MAX: variants seen among roughly 807,000 people sequenced by gnomAD.
MAX encodes MYC associated transcriptional regulator X.
Under a neutral mutation model 22.3 loss-of-function variants are expected in MAX, and 3 were observed. The observed-to-expected ratio is 0.13, with a 90% CI of 0.06 to 0.35. The LOEUF is 0.35. Among genes scored for constraint, MAX ranks in the 10% least tolerant of loss-of-function variants. MAX has a pLI of 1.00. For synonymous variants in MAX, 72 were observed against 77.7 expected, an observed-to-expected ratio of 0.93 and a Z score of 0.39; for missense variants, 119 against 209.4, an observed-to-expected ratio of 0.57 and a Z score of 2.66.
chr14:65,065,532 C>T (rs139978790), intron 3 of MAX, among the ~76,000 whole-genome samples: 1 of 152,248 alleles, frequency 6.6e-6, no homozygotes, highest in African/African-American at 2.4e-5. Context: ...TCCTAGGCTA[C>T]AAACCTGTGC....
chr14:65,015,583 G>A, intron 3 of MAX: 2 of 1,609,250 alleles, frequency 1.2e-6, no homozygotes, highest in Non-Finnish European at 1.7e-6. Context: ...GTCTTGGAGT[G>A]ATTGTGAATA....
intron 3 of MAX, among the ~76,000 whole-genome samples, chr14:65,051,602 CTCTG>C (rs1479574908): frequency 6.6e-6 from 1 of 150,876 alleles, no homozygotes; most frequent in Non-Finnish European, 1.5e-5. Context: ...CAGAGTGAGA[CTCTG>C]TCTCAAAAAA....
chr14:65,090,636 C>G (rs961263413), intron 3 of MAX: 9 of 152,130 alleles, frequency 5.9e-5, no homozygotes, highest in African/African-American at 1.7e-4. Flanking sequence ...TCCCAAGTAG[C>G]CAGGACTACA....
intron 3 of MAX, among the ~76,000 whole-genome samples, chr14:65,045,971 T>A (rs2062467746): frequency 6.6e-6 from 1 of 152,158 alleles, no homozygotes; most frequent in Non-Finnish European, 1.5e-5. Flanking sequence ...ATTCCCCAAG[T>A]CAAACATTTT....
chr14:65,012,195 C>T lies in MAX; in HGVS notation c.172-5911G>A. On this transcript the variant is annotated intron_variant, in intron 3 of 3. Coordinates refer to the MAX transcript ENST00000341653. The surrounding 1 kb of genome is among the most constrained non-coding windows in gnomAD (Gnocchi z 5.0). ...CCAGAGAAGTTGCTGGTTATCCAGT[C>T]AGTGATTGCAGGGGGACGTCCTGAA... 1 of 1,186,222 alleles carries T rather than the reference C, an allele frequency of 8.4e-7. No homozygotes were observed. The highest frequency in any genetic ancestry group is 1.2e-6 in the Non-Finnish European group (1 of 824,328). 73.5% of individuals were successfully genotyped at this position (1,186,222 alleles called of 1,614,324 possible). A position where few individuals can be genotyped will look rare whatever the true frequency, so the allele number is the denominator to read the frequency against.
In MAX at chr14:65,022,818, C is replaced by T. The variant is rs531389377; in HGVS notation, c.172-16534G>A. On this transcript the variant is annotated intron_variant, in intron 3 of 3. Coordinates refer to the MAX transcript ENST00000341653. ...GCATTTTTATTGTTGTTCTTCACAA[C>T]TCGTGGACCCTTATTACTGGTCTTT... is the stretch of plus-strand genomic sequence containing the variant. Among the ~76,000 whole-genome samples the T allele has an allele frequency of 1.7e-4, 26 of 152,254 alleles. 1 individual carries two copies. In the South Asian group the frequency reaches 5.4e-3, roughly 32 times the overall value.
At chr14:65,099,535 AAAACAAAC>A (rs958002278) in intron 2 of MAX, among the ~76,000 whole-genome samples, 10 of 150,474 alleles carry the variant, frequency 6.6e-5, no homozygotes, top group Non-Finnish European at 8.8e-5. Flanking sequence ...TTTCACCAAA[AAAACAAAC>A]AAACAAACAA....
intron 3 of MAX, chr14:65,083,814 C>A (rs759076908): frequency 1.8e-6 from 2 of 1,124,962 alleles, no homozygotes; most frequent in African/African-American, 3.2e-5. Context: ...TTTTCTGAAA[C>A]CTGTGTAAGC....
rs1183866852 is a variant in MAX, at chr14:65,032,012, G to GTGTGTGTGTGTA, written c.172-25729_172-25728insTACACACACACA. On this transcript the variant is annotated intron_variant, in intron 3 of 3. Coordinates refer to the MAX transcript ENST00000341653. This position sits in a 1 kb window ranked among gnomAD's most constrained non-coding sequence, Gnocchi z 5.0. ...TGTGTGTGTGTGTGTGTGTGTGTGT[G>GTGTGTGTGTGTA]TGTGTGTACTGGTGAGAGGTTTGAA... Among the ~76,000 whole-genome samples, 42 of 151,746 alleles carry GTGTGTGTGTGTA rather than the reference G, an allele frequency of 2.8e-4. No individual in the cohort carries two copies. Among genetic ancestry groups the GTGTGTGTGTGTA allele is most frequent in the Admixed American group, 2.2e-3 (33 of 15,234 alleles).
In MAX at chr14:65,093,522, TTTG is replaced by T; in HGVS notation, c.171+183_171+185del. On this transcript the variant is annotated intron_variant, in intron 3 of 4. Coordinates refer to ENST00000358664, the MANE Select transcript of MAX (RefSeq NM_002382.5). This position sits in a 1 kb window ranked among gnomAD's most constrained non-coding sequence, Gnocchi z 4.4. ...AATAGCTCCATTATATCTGACATAT[TTTG>T]TTAAGGATAAACTGGAGTACGTAAG... 1 of 617,158 alleles carries T rather than the reference TTTG, an allele frequency of 1.6e-6. No homozygotes were observed. Among genetic ancestry groups the T allele is most frequent in the Non-Finnish European group, 2.9e-6 (1 of 340,502 alleles). 38.2% of individuals were successfully genotyped at this position (617,158 alleles called of 1,614,324 possible).
At chr14:65,060,830 G>C (rs1174106927) in intron 3 of MAX, among the ~76,000 whole-genome samples, 1 of 134,316 alleles carries the variant, frequency 7.4e-6, no homozygotes, top group East Asian at 2.2e-4. Flanking sequence ...CTAAGATCGT[G>C]TCAATGCACT....
chr14:65,055,509 TTTTTTAA>T (rs1324566630), intron 3 of MAX, among the ~76,000 whole-genome samples: 3 of 152,188 alleles, frequency 2.0e-5, no homozygotes, highest in Non-Finnish European at 4.4e-5. Flanking sequence ...AAAAAATTTT[TTTTTTAA>T]TTTTTAATTT....
In MAX at chr14:65,032,818, T is replaced by C. The variant is rs1466605681; in HGVS notation, c.172-26534A>G. Reference sequence around the variant, plus strand: ...AATACAAAAATCACAGGAGATCCATTAGGGTTATCTAATGATTTTTTTAAA... The same window carrying C: ...AATACAAAAATCACAGGAGATCCATCAGGGTTATCTAATGATTTTTTTAAA... On this transcript the variant is annotated intron_variant, in intron 3 of 3. Coordinates refer to the MAX transcript ENST00000341653. The surrounding 1 kb of genome is among the most constrained non-coding windows in gnomAD (Gnocchi z 5.0). 1.3e-6 allele frequency: 1 copy of C among 787,104 alleles called. No individual in the cohort carries two copies. 48.8% of individuals were successfully genotyped at this position (787,104 alleles called of 1,614,324 possible). A position where few individuals can be genotyped will look rare whatever the true frequency, so the allele number is the denominator to read the frequency against.
intron 2 of MAX, among the ~76,000 whole-genome samples, chr14:65,096,609 C>T (rs1220568226): frequency 6.6e-6 from 1 of 151,988 alleles, no homozygotes; most frequent in Non-Finnish European, 1.5e-5. Flanking sequence ...TTGCTGGCAA[C>T]CCTTTTTGAG....
intron 3 of MAX, among the ~76,000 whole-genome samples, chr14:65,051,144 T>C (rs1270123281): frequency 6.6e-6 from 1 of 152,204 alleles, no homozygotes; most frequent in East Asian, 1.9e-4. Flanking sequence ...TGTCTCTTAA[T>C]GGGTGTTTCA....
At chr14:65,090,562 C>G (rs186224710) in intron 3 of MAX, 1 of 151,308 alleles carries the variant, frequency 6.6e-6, no homozygotes, top group South Asian at 2.1e-4. Flanking sequence ...CAGGCTGGAG[C>G]GGTGCCATCA....
At chr14:65,100,658 C>T (rs1012624835) in intron 2 of MAX, among the ~76,000 whole-genome samples, 3 of 152,150 alleles carry the variant, frequency 2.0e-5, no homozygotes, top group Non-Finnish European at 4.4e-5. Flanking sequence ...ACATTTCTTA[C>T]TGCTCCCAAC....
At chr14:65,089,934 G>C (rs1399361201) in intron 3 of MAX, 2 of 152,182 alleles carry the variant, frequency 1.3e-5, no homozygotes, top group Middle Eastern at 3.2e-3. Flanking sequence ...GAAACTGCAA[G>C]GAACACAAAA....
intron 3 of MAX, among the ~76,000 whole-genome samples, chr14:65,038,450 T>C (rs540399863): frequency 2.0e-5 from 3 of 151,914 alleles, no homozygotes; most frequent in South Asian, 4.2e-4. Context: ...CCGGGTGCAG[T>C]GGCTCATACC....
Sources: gnomAD v4.1 joint callset for allele counts (sites outside exome capture counted in the v4.1 genomes callset) on GRCh38, gnomAD v4.1.1 for gene constraint, Gnocchi (gnomAD v3.1) non-coding constraint, MANE v1.5 for transcripts, NCBI Gene and HGNC (gene_info 2026-07-23, HGNC 2026-07-21) for gene names.